Variants in PDE1C observed in about 807,000 individuals in gnomAD.
PDE1C encodes dual specificity calcium/calmodulin-dependent 3',5'-cyclic nucleotide phosphodiesterase 1C.
A neutral mutation model predicts 93.1 loss-of-function variants in PDE1C; 62 were observed. The observed-to-expected ratio is 0.67, with a 90% CI of 0.54 to 0.82. The LOEUF is 0.82. PDE1C is among the 40% of genes least tolerant of loss of function. The pLI is 0.00. For synonymous variants in PDE1C, 325 were observed against 310.1 expected, an observed-to-expected ratio of 1.05 and a Z score of -0.50; for missense variants, 742 against 884.6, an observed-to-expected ratio of 0.84 and a Z score of 2.04.
chr7:31,819,843 A>G (rs934405918), intron 14 of PDE1C, among the ~76,000 whole-genome samples: 16 of 147,894 alleles, frequency 1.1e-4, no homozygotes, highest in African/African-American at 3.6e-4. Flanking sequence ...CTACAACCAG[A>G]GAGAGAAAGA....
intron 16 of PDE1C, among the ~76,000 whole-genome samples, chr7:31,794,101 CAGAT>C (rs60509548): frequency 3.9e-5 from 5 of 128,936 alleles, no homozygotes; most frequent in African/African-American, 1.1e-4. Context: ...GATAGATAGA[CAGAT>C]AGATGGGCAG....
intron 1 of PDE1C, among the ~76,000 whole-genome samples, chr7:32,243,031 T>C (rs1047690523): frequency 2.0e-5 from 3 of 152,122 alleles, no homozygotes; most frequent in Non-Finnish European, 4.4e-5. Context: ...TGGATGACCT[T>C]GGCCTTGCTG....
intron 3 of PDE1C, among the ~76,000 whole-genome samples, chr7:32,136,213 A>T (rs1030065331): frequency 6.6e-6 from 1 of 152,186 alleles, no homozygotes; most frequent in Admixed American, 6.6e-5. Context: ...GTGGAGAAGG[A>T]TGTGCTCATT....
At chr7:31,754,234 A>G (rs74459394) in intron 17 of PDE1C, among the ~76,000 whole-genome samples, 8,989 of 152,272 alleles carry the variant, frequency 0.059, 933 homozygotes, top group African/African-American at 0.2. Context: ...ACTTGACAAC[A>G]CCAATTGCTG....
chr7:31,990,849 T>C (rs1784067162), intron 2 of PDE1C, among the ~76,000 whole-genome samples: 1 of 152,216 alleles, frequency 6.6e-6, no homozygotes, highest in African/African-American at 2.4e-5. Context: ...ATTATAATTG[T>C]ACTTAAAAAT....
chr7:31,644,544 G>A, the PDE1C span, among the ~76,000 whole-genome samples: 3 of 152,266 alleles, frequency 2.0e-5, no homozygotes, highest in South Asian at 6.2e-4. Flanking sequence ...TTCAGGTCTT[G>A]AACTTAGAGC....
intron 1 of PDE1C, among the ~76,000 whole-genome samples, chr7:32,388,163 T>C (rs1274928572): frequency 6.6e-6 from 1 of 152,208 alleles, no homozygotes; most frequent in Non-Finnish European, 1.5e-5. Context: ...TATGACAGAT[T>C]TGGTTGTCAA....
the PDE1C span, chr7:31,652,684 G>C: frequency 6.2e-7 from 1 of 1,613,938 alleles, no homozygotes; most frequent in Non-Finnish European, 8.5e-7. Flanking sequence ...CCCTGTTCAG[G>C]TGGGACCCAG....
intron 1 of PDE1C, among the ~76,000 whole-genome samples, chr7:32,424,054 G>A (rs1450868): frequency 0.18 from 27,529 of 152,076 alleles, 2,640 homozygotes; most frequent in East Asian, 0.3. Flanking sequence ...TTACTTGTTT[G>A]TTCTGAGGTA....
intron 1 of PDE1C, among the ~76,000 whole-genome samples, chr7:32,218,769 C>T (rs1004910170): frequency 6.6e-6 from 1 of 152,220 alleles, no homozygotes; most frequent in Non-Finnish European, 1.5e-5. Context: ...TTACTTATTT[C>T]AATCAATTCC....
At chr7:31,986,955 C>T (rs1176953406) in intron 2 of PDE1C, among the ~76,000 whole-genome samples, 1 of 147,884 alleles carries the variant, frequency 6.8e-6, no homozygotes, top group Admixed American at 6.7e-5. Context: ...CACACACACA[C>T]ATACACACAC....
At chr7:31,718,176 G>A in the PDE1C span, among the ~76,000 whole-genome samples, 1 of 152,078 alleles carries the variant, frequency 6.6e-6, no homozygotes, top group South Asian at 2.1e-4. Context: ...GGGCATGGTG[G>A]GACCATAGGA....
intron 1 of PDE1C, among the ~76,000 whole-genome samples, chr7:32,250,486 T>G (rs1809292789): frequency 6.6e-6 from 1 of 152,200 alleles, no homozygotes; most frequent in Non-Finnish European, 1.5e-5. Context: ...TCCCAGCCTA[T>G]TCTGATCCAG....
chr7:32,213,612 G>A (rs918674723), intron 1 of PDE1C, among the ~76,000 whole-genome samples: 1 of 152,174 alleles, frequency 6.6e-6, no homozygotes, highest in Non-Finnish European at 1.5e-5. Flanking sequence ...TTCTCCACTG[G>A]CACAGGAGCC....
intron 2 of PDE1C, among the ~76,000 whole-genome samples, chr7:32,195,619 A>G (rs1461714703): frequency 1.3e-5 from 2 of 152,184 alleles, no homozygotes; most frequent in African/African-American, 4.8e-5. Flanking sequence ...TGGGAGGTCA[A>G]GGCAGGAGGA....
chr7:32,308,858 G>C (rs928529862), intron 1 of PDE1C, among the ~76,000 whole-genome samples: 1 of 151,680 alleles, frequency 6.6e-6, no homozygotes, highest in Non-Finnish European at 1.5e-5. Context: ...TCCTCCAAAG[G>C]AACACAGTTC....
chr7:32,222,334 GT>G (rs1225186514), intron 1 of PDE1C, among the ~76,000 whole-genome samples: 1 of 152,152 alleles, frequency 6.6e-6, no homozygotes, highest in Non-Finnish European at 1.5e-5. Flanking sequence ...GAACTTAGAT[GT>G]TCACTAGACT....
chr7:31,749,012 T>TA (rs1175834197), downstream of PDE1C, among the ~76,000 whole-genome samples: 10 of 152,084 alleles, frequency 6.6e-5, no homozygotes, highest in Non-Finnish European at 1.2e-4. Flanking sequence ...ATCCTAGACT[T>TA]AAAAAATAGT....
At chr7:32,179,941 G>A (rs1193711875) in intron 2 of PDE1C, among the ~76,000 whole-genome samples, 1 of 152,144 alleles carries the variant, frequency 6.6e-6, no homozygotes, top group Non-Finnish European at 1.5e-5. Context: ...ACCTTCAACG[G>A]TTCTCAAAAT....
Sources: allele counts gnomAD v4.1 joint callset (sites outside exome capture counted in the v4.1 genomes callset), GRCh38; gene constraint gnomAD v4.1.1; transcripts MANE v1.5; gene names NCBI Gene and HGNC (gene_info 2026-07-23, HGNC 2026-07-21).